Variants in DAPK2 observed in about 807,000 individuals in gnomAD.
The protein encoded by DAPK2 is death-associated protein kinase 2.
DAPK2 carries 35 observed loss-of-function variants against 44.1 expected under a neutral mutation model. That is an observed-to-expected ratio of 0.79 (90% CI 0.61 to 1.05). DAPK2 has a LOEUF of 1.05. DAPK2 is among the 50% of genes least tolerant of loss of function. The pLI is 0.00. For missense variants in DAPK2, 453 were observed against 483.2 expected, an observed-to-expected ratio of 0.94 and a Z score of 0.59; for synonymous variants, 174 against 182.6, an observed-to-expected ratio of 0.95 and a Z score of 0.38.
At chr15:63,997,137 A>C (rs2078970932) in intron 1 of DAPK2, among the ~76,000 whole-genome samples, 1 of 151,030 alleles carries the variant, frequency 6.6e-6, no homozygotes. Context: ...TGTCATCACC[A>C]CCCCCAATTA....
chr15:64,034,944 G>A (rs1342656386), intron 1 of DAPK2, among the ~76,000 whole-genome samples: 1 of 152,186 alleles, frequency 6.6e-6, no homozygotes, highest in South Asian at 2.1e-4. Context: ...GAGGCAGGCA[G>A]ATAACCTAAG....
upstream of DAPK2, among the ~76,000 whole-genome samples, chr15:64,040,982 TA>T (rs1434528363): frequency 6.7e-6 from 1 of 148,464 alleles, no homozygotes; most frequent in African/African-American, 2.5e-5. Flanking sequence ...GTAAGCCACC[TA>T]AGCTGCCAGA....
chr15:63,922,942 C>T, intron 8 of DAPK2: 1 of 1,535,904 alleles, frequency 6.5e-7, no homozygotes, highest in Non-Finnish European at 8.7e-7. Flanking sequence ...GCAGATGGTC[C>T]AGTTTCCTGG....
At chr15:63,940,935 G>A (rs1334882943) in intron 3 of DAPK2, among the ~76,000 whole-genome samples, 11 of 152,064 alleles carry the variant, frequency 7.2e-5, no homozygotes, top group Admixed American at 7.2e-4. Flanking sequence ...ATGGAGAGAT[G>A]GGGAGTACAA....
At chr15:64,031,554 T>C (rs554197461) in intron 1 of DAPK2, among the ~76,000 whole-genome samples, 4 of 152,314 alleles carry the variant, frequency 2.6e-5, no homozygotes, top group African/African-American at 9.6e-5. Flanking sequence ...TCTTAACATA[T>C]GTCAATCGTT....
chr15:63,918,138 G>A (rs914605404), intron 8 of DAPK2: 1 of 152,198 alleles, frequency 6.6e-6, no homozygotes, highest in African/African-American at 2.4e-5. Context: ...TGACAGTAGG[G>A]GTGACAGCTG....
rs1408632256 is a variant in DAPK2 at position 63,916,998 on chromosome 15, G to A, written c.859-4801C>T. ...TGGTGGGGACATGTGAGGATGGAAT[G>A]GGAATCCAGATGAGATGAAGGAATT... On this transcript the variant is annotated intron_variant, in intron 8 of 10. Transcript: ENST00000261891. This position sits in a 1 kb window ranked among gnomAD's most constrained non-coding sequence, Gnocchi z 4.7. The A allele has an allele frequency of 6.6e-6, 1 of 152,214 alleles. No individual in the cohort carries two copies. Among genetic ancestry groups the A allele is most frequent in the African/African-American group, 2.4e-5 (1 of 41,432 alleles). 9.4% of individuals were successfully genotyped at this position (152,214 alleles called of 1,614,324 possible).
chr15:63,968,514 T>C (rs777126460), intron 3 of DAPK2, among the ~76,000 whole-genome samples: 7 of 152,210 alleles, frequency 4.6e-5, no homozygotes, highest in Non-Finnish European at 8.8e-5. Flanking sequence ...AGAACTGTAC[T>C]CACAGGGTTT....
rs1278550540 is a variant in DAPK2, at chr15:63,923,770, A to T, written c.858+1046T>A. On this transcript the variant is annotated intron_variant, in intron 8 of 10. Transcript: ENST00000261891. This position sits in a 1 kb window ranked among gnomAD's most constrained non-coding sequence, Gnocchi z 4.2. ...TGAGCTGATGAAGCTGAGCAGATAA[A>T]GCTGACCTCTTCCCAGACGACTCCA... Among the ~76,000 whole-genome samples the T allele has an allele frequency of 6.6e-6, 1 of 152,220 alleles. No homozygotes were observed. Among genetic ancestry groups the T allele is most frequent in the Non-Finnish European group, 1.5e-5 (1 of 68,040 alleles).
In DAPK2 at chr15:63,966,903, G is replaced by A. The variant is rs1445180651; in HGVS notation, c.453+4520C>T. Among the ~76,000 whole-genome samples the A allele has an allele frequency of 5.9e-5, 9 of 152,120 alleles. No homozygotes were observed. The highest frequency in any genetic ancestry group is 2.1e-4 in the South Asian group (1 of 4,818). On this transcript the variant is annotated intron_variant, in intron 3 of 10. Transcript: ENST00000261891. The surrounding 1 kb of genome is among the most constrained non-coding windows in gnomAD (Gnocchi z 5.5). ...AAATTAAAACCAGGTACTGTGGGCC[G>A]GGCGCAGTGGCTCACACCTGTAATC...
intron 3 of DAPK2, among the ~76,000 whole-genome samples, chr15:63,958,932 C>A (rs866071366): frequency 2.5e-4 from 38 of 152,212 alleles, no homozygotes; most frequent in Middle Eastern, 3.4e-3. Flanking sequence ...TGAATCTATA[C>A]ATTACCTTGG....
intron 3 of DAPK2, among the ~76,000 whole-genome samples, chr15:63,950,290 A>G (rs1228925491): frequency 6.6e-6 from 1 of 152,152 alleles, no homozygotes; most frequent in Non-Finnish European, 1.5e-5. Context: ...ATCACAGCTC[A>G]TTGCAGCCTC....
At chr15:64,008,945 C>T (rs2079312077) in intron 1 of DAPK2, among the ~76,000 whole-genome samples, 2 of 152,092 alleles carry the variant, frequency 1.3e-5, no homozygotes, top group Non-Finnish European at 2.9e-5. Flanking sequence ...GGTAGGATCC[C>T]CTTTTCAGTC....
At chr15:64,023,307 G>T (rs1032331545) in intron 1 of DAPK2, among the ~76,000 whole-genome samples, 1 of 152,210 alleles carries the variant, frequency 6.6e-6, no homozygotes, top group Admixed American at 6.5e-5. Context: ...ACCTAGATGA[G>T]CATAGGACTC....
At chr15:64,006,708 C>T (rs966503822) in intron 1 of DAPK2, among the ~76,000 whole-genome samples, 1 of 152,174 alleles carries the variant, frequency 6.6e-6, no homozygotes, top group African/African-American at 2.4e-5. Context: ...CCTATTCTCC[C>T]GGGCAGTGAC....
chr15:63,966,889 A>G lies in DAPK2; in HGVS notation c.453+4534T>C, dbSNP rs2078067963. Among the ~76,000 whole-genome samples, 1 of 152,132 alleles carries G rather than the reference A, an allele frequency of 6.6e-6. No homozygotes were observed. The highest frequency in any genetic ancestry group is 2.4e-5 in the African/African-American group (1 of 41,414). ...CTTTCTGTGATATGAAATTAAAACC[A>G]GGTACTGTGGGCCGGGCGCAGTGGC... On this transcript the variant is annotated intron_variant, in intron 3 of 10. Transcript: ENST00000261891. The surrounding 1 kb of genome is among the most constrained non-coding windows in gnomAD (Gnocchi z 5.5).
chr15:63,935,331 T>C (rs1312748008), intron 4 of DAPK2, among the ~76,000 whole-genome samples: 1 of 152,138 alleles, frequency 6.6e-6, no homozygotes, highest in Non-Finnish European at 1.5e-5. Context: ...CCTCAAGTGA[T>C]CCACCCACCT....
intron 3 of DAPK2, among the ~76,000 whole-genome samples, chr15:63,962,531 T>C (rs2140648526): frequency 6.6e-6 from 1 of 152,312 alleles, no homozygotes; most frequent in Non-Finnish European, 1.5e-5. Context: ...GGGGTTTTGG[T>C]GTGGATGTTC....
rs536832999 is a variant in DAPK2, at chr15:63,912,858, A to G, written c.859-661T>C. Among the ~76,000 whole-genome samples, 2 of 152,242 alleles carry G rather than the reference A, an allele frequency of 1.3e-5. No homozygotes were observed. The highest frequency in any genetic ancestry group is 4.2e-4 in the South Asian group (2 of 4,814). ...GTGCTTAGCCCAGCACCACTCAATAAATAGTAATAAGTTATTGTGAGCTTT... is the reference window on the plus strand; with the variant it reads ...GTGCTTAGCCCAGCACCACTCAATAGATAGTAATAAGTTATTGTGAGCTTT... On this transcript the variant is annotated intron_variant, in intron 8 of 10. Transcript: ENST00000261891. The surrounding 1 kb of genome is among the most constrained non-coding windows in gnomAD (Gnocchi z 4.4).
Sources: allele counts gnomAD v4.1 joint callset (sites outside exome capture counted in the v4.1 genomes callset), GRCh38; gene constraint gnomAD v4.1.1; non-coding constraint Gnocchi (gnomAD v3.1); transcripts MANE v1.5; gene names NCBI Gene and HGNC (gene_info 2026-07-23, HGNC 2026-07-21).